FBXW7: variants seen among roughly 807,000 people sequenced by gnomAD.
FBXW7 encodes F-box/WD repeat-containing protein 7.
In FBXW7, 11 loss-of-function variants were observed where a neutral mutation model predicts 86.3. The observed-to-expected ratio is 0.13, with a 90% CI of 0.08 to 0.21. FBXW7 has a LOEUF of 0.21. Ranked by LOEUF, FBXW7 falls within the 10% of genes least tolerant of loss-of-function variation. The pLI, the probability that FBXW7 is intolerant of heterozygous loss-of-function variation, is 1.00. For missense variants in FBXW7, 488 were observed against 847.4 expected (o/e 0.58, Z 5.27); for synonymous variants, 313 against 297.9 (o/e 1.05, Z -0.52).
intron 4 of FBXW7, among the ~76,000 whole-genome samples, chr4:152,358,142 T>G (rs952970546): frequency 6.6e-6 from 1 of 152,222 alleles, no homozygotes; most frequent in African/African-American, 2.4e-5. Context: ...GTGAATTTCT[T>G]ATAGTAATAC....
intron 4 of FBXW7, among the ~76,000 whole-genome samples, chr4:152,361,702 A>G (rs138903324): frequency 6.6e-6 from 1 of 152,168 alleles, no homozygotes; most frequent in Non-Finnish European, 1.5e-5. Context: ...TTTGACAGGC[A>G]TGGTGGCTCA....
At chr4:152,382,294 A>G in intron 4 of FBXW7, 1 of 1,599,346 alleles carries the variant, frequency 6.3e-7, no homozygotes, top group Admixed American at 1.7e-5. Flanking sequence ...GATCAACAGG[A>G]ACCAAGCCAT....
intron 2 of FBXW7, among the ~76,000 whole-genome samples, chr4:152,436,081 A>G (rs1306396564): frequency 3.3e-5 from 5 of 152,206 alleles, no homozygotes; most frequent in East Asian, 1.9e-4. Context: ...AATTAGGCCA[A>G]TTAATAATCC....
chr4:152,353,272 C>T (rs190410965), intron 4 of FBXW7, among the ~76,000 whole-genome samples: 2 of 151,884 alleles, frequency 1.3e-5, no homozygotes, highest in South Asian at 2.1e-4. Context: ...CAGGCAATCC[C>T]GAAAAGAGAA....
At chr4:152,467,345 C>G (rs983666334) in intron 2 of FBXW7, among the ~76,000 whole-genome samples, 11 of 152,160 alleles carry the variant, frequency 7.2e-5, no homozygotes, top group Admixed American at 2.0e-4. Flanking sequence ...TCTTCTGCCA[C>G]AACTGTAAGA....
chr4:152,441,101 A>G (rs1387267126), intron 2 of FBXW7, among the ~76,000 whole-genome samples: 1 of 152,146 alleles, frequency 6.6e-6, no homozygotes, highest in Non-Finnish European at 1.5e-5. Context: ...ACCTACCTAC[A>G]TAGAATGTAT....
chr4:152,326,347 T>G (rs1220092833), intron 11 of FBXW7, 116 bp from the exon 12 acceptor site: 9 of 786,264 alleles, frequency 1.1e-5, no homozygotes, highest in Non-Finnish European at 1.6e-5. Context: ...TTTTTTTTTT[T>G]TTTTTACACA....
intron 2 of FBXW7, among the ~76,000 whole-genome samples, chr4:152,489,115 A>T (rs1197250596): frequency 6.6e-6 from 1 of 152,112 alleles, no homozygotes; most frequent in Non-Finnish European, 1.5e-5. Flanking sequence ...AGAAACACAG[A>T]TGCATCAAAC....
intron 3 of FBXW7, among the ~76,000 whole-genome samples, chr4:152,412,258 A>T (rs564756885): frequency 2.0e-5 from 3 of 152,242 alleles, no homozygotes; most frequent in South Asian, 4.1e-4. Context: ...ATCAAAAAAA[A>T]TTTTCAGTGT....
At chr4:152,486,533 C>T (rs745507254) in intron 2 of FBXW7, among the ~76,000 whole-genome samples, 1 of 152,034 alleles carries the variant, frequency 6.6e-6, no homozygotes, top group Admixed American at 6.6e-5. Flanking sequence ...ATTAGACTAG[C>T]CCTACACAGG....
At chr4:152,478,093 C>T (rs930675500) in intron 2 of FBXW7, among the ~76,000 whole-genome samples, 1 of 151,958 alleles carries the variant, frequency 6.6e-6, no homozygotes, top group African/African-American at 2.4e-5. Context: ...ATAAAATGTA[C>T]TATTTTAGCC....
At chr4:152,408,559 A>C (rs1044285096) in intron 4 of FBXW7, among the ~76,000 whole-genome samples, 4 of 152,190 alleles carry the variant, frequency 2.6e-5, no homozygotes, top group African/African-American at 7.2e-5. Flanking sequence ...TAAAATCTTC[A>C]ATAATGTTTT....
intron 2 of FBXW7, among the ~76,000 whole-genome samples, chr4:152,475,758 T>C (rs1475080568): frequency 2.0e-5 from 3 of 152,126 alleles, no homozygotes; most frequent in Non-Finnish European, 2.9e-5. Context: ...GCACTCACAA[T>C]AGCATCTGGA....
At chr4:152,458,408 T>C (rs1352250577) in intron 2 of FBXW7, among the ~76,000 whole-genome samples, 1 of 152,222 alleles carries the variant, frequency 6.6e-6, no homozygotes, top group Non-Finnish European at 1.5e-5. Context: ...TTTAAGAGCA[T>C]CTAACAAATT....
intron 2 of FBXW7, among the ~76,000 whole-genome samples, chr4:152,438,803 T>G (rs887803693): frequency 7.2e-5 from 11 of 152,150 alleles, no homozygotes; most frequent in African/African-American, 2.7e-4. Context: ...GTGGACTTAT[T>G]TAACAGCACA....
intron 2 of FBXW7, among the ~76,000 whole-genome samples, chr4:152,492,334 C>G (rs921837959): frequency 7.9e-5 from 12 of 152,064 alleles, no homozygotes; most frequent in Non-Finnish European, 1.3e-4. Context: ...AGGAGTAAAT[C>G]GACTGTAAAT....
chr4:152,443,148 G>A (rs1022480462), intron 2 of FBXW7, among the ~76,000 whole-genome samples: 5 of 152,146 alleles, frequency 3.3e-5, no homozygotes, highest in African/African-American at 1.2e-4. Context: ...TGTAATCCCA[G>A]CTACTCGGGA....
rs149396675 is a variant in FBXW7 at position 152,411,462 on chromosome 4, C to T, written c.342G>A (p.Glu114=). 6.2e-7 allele frequency: 1 copy of T among 1,613,474 alleles called. No homozygotes were observed. The highest frequency in any genetic ancestry group is 1.7e-5 in the Admixed American group (1 of 59,916). The change falls in exon 4 of 14, where the codon GAG becomes GAA. Residue 114 remains glutamate, a synonymous_variant. Transcript: ENST00000281708. ...HAGEQDEEDE[E]EEEMDQESDD... ...CACTCTCCTGGTCCATCTCCTCCTCCTCCTCATCCTCCTCATCTTGTTCAC... is the reference window on the plus strand; with the variant it reads ...CACTCTCCTGGTCCATCTCCTCCTCTTCCTCATCCTCCTCATCTTGTTCAC...
At chr4:152,438,310 A>C (rs952202146) in intron 2 of FBXW7, among the ~76,000 whole-genome samples, 12 of 152,202 alleles carry the variant, frequency 7.9e-5, no homozygotes, top group African/African-American at 2.4e-4. Context: ...AATTCTTGTG[A>C]CTAACTTTAT....
Sources: gnomAD v4.1 joint callset for allele counts (sites outside exome capture counted in the v4.1 genomes callset) on GRCh38, gnomAD v4.1.1 for gene constraint, MANE v1.5 for transcripts, NCBI Gene and HGNC (gene_info 2026-07-23, HGNC 2026-07-21) for gene names.